The following ABCC8 variants were observed in gnomAD, a reference collection of about 807,000 sequenced individuals.
ABCC8 encodes ATP binding cassette subfamily C member 8, also known as ATP-binding cassette sub-family C member 8.
In ABCC8, 137 loss-of-function variants were observed where a neutral mutation model predicts 188.0. That is an observed-to-expected ratio of 0.73 (90% CI 0.63 to 0.84). The LOEUF (loss-of-function observed/expected upper bound fraction) is 0.84, where lower values mean the gene tolerates loss of function less well. ABCC8 is among the 40% of genes least tolerant of loss of function. The probability of loss-of-function intolerance (pLI) is 0.00; values close to 1 mark genes in which losing one functional copy is unlikely to be tolerated. For synonymous variants in ABCC8, 797 were observed against 846.5 expected (o/e 0.94, Z 1.01); for missense variants, 1,750 against 2,072.7 (o/e 0.84, Z 3.02).
At chr11:17,424,262 G>A (rs1265185719) in intron 16 of ABCC8, among the ~76,000 whole-genome samples, 1 of 152,096 alleles carries the variant, frequency 6.6e-6, no homozygotes, top group Non-Finnish European at 1.5e-5. Flanking sequence ...AAGCACCATG[G>A]CACATGTATA....
intron 6 of ABCC8, among the ~76,000 whole-genome samples, chr11:17,456,178 G>A (rs1443735610): frequency 6.6e-6 from 1 of 152,184 alleles, no homozygotes; most frequent in Non-Finnish European, 1.5e-5. Flanking sequence ...CCCTAGTCTT[G>A]CATTTTCACA....
At position 17,450,540 on chromosome 11, in the gene ABCC8, A is replaced by G. The variant is rs532586923; in HGVS notation, c.1177-1869T>C. On this transcript the variant is annotated intron_variant, in intron 7 of 38. Coordinates refer to ENST00000389817, the MANE Select transcript of ABCC8 (RefSeq NM_000352.6). ...CTCCCGAGTAGCTGGGACTACAGGC[A>G]CCCGCCACCATGCCTGGCTAATTTT... Among the ~76,000 whole-genome samples the G allele has an allele frequency of 3.5e-3, 491 of 138,660 alleles. 1 individual carries two copies. The highest frequency in any genetic ancestry group is 0.012 in the African/African-American group (459 of 36,786). The allele number at this position is 138,660 out of a possible 152,430, so 91.0% of individuals were successfully genotyped here.
At chr11:17,401,657 T>C (rs1954250522) in intron 29 of ABCC8, among the ~76,000 whole-genome samples, 1 of 152,160 alleles carries the variant, frequency 6.6e-6, no homozygotes. Flanking sequence ...TATCACTCTC[T>C]GGATGAAGAT....
In ABCC8 at chr11:17,474,928, A is replaced by G; in HGVS notation, c.248T>C (p.Phe83Ser). 1.2e-6 allele frequency: 2 copies of G among 1,614,254 alleles called. No individual in the cohort carries two copies. Among genetic ancestry groups the G allele is most frequent in the South Asian group, 2.2e-5 (2 of 91,080 alleles). The change falls in exon 2 of 39, where the codon TTC becomes TCC. Residue 83 changes from phenylalanine (F) to serine (S), a missense_variant. Coordinates refer to ENST00000389817, the MANE Select transcript of ABCC8 (RefSeq NM_000352.6). The part of the protein sequence containing the change: ...LRWILTFMLL[F>S]VLVCEIAEGI... ...CTCTGCAATCTCACACACCAGGACG[A>G]AGAGCAGCATGAAGGTCAGGATCCA...
chr11:17,440,043 T>C (rs1009974052), intron 10 of ABCC8, among the ~76,000 whole-genome samples: 1 of 152,084 alleles, frequency 6.6e-6, no homozygotes, highest in African/African-American at 2.4e-5. Context: ...AGGAGATGAG[T>C]ACATATCTCT....
rs746249607 is a variant in ABCC8, at chr11:17,395,856, G to A, written c.4194C>T (p.Phe1398=). ...GGTGCCCGCCTTACAACTCACCTTC[G>A]AACGTGTCCACCATGCGGAAGAAGG... is the stretch of plus-strand genomic sequence containing the variant. ...SLAFFRMVDT[F]EGHIIIDGID... Residue 1398 remains phenylalanine, a synonymous_variant, in exon 34 of 39, where the codon TTC becomes TTT. Coordinates refer to ENST00000389817, the MANE Select transcript of ABCC8 (RefSeq NM_000352.6). The A allele has an allele frequency of 1.3e-5, 21 of 1,580,256 alleles. No individual in the cohort carries two copies. In the East Asian group the frequency reaches 3.0e-4, roughly 22 times the overall value.
intron 19 of ABCC8, 93 bp downstream of exon 19, chr11:17,414,419 G>C: frequency 6.5e-7 from 1 of 1,526,738 alleles, no homozygotes; most frequent in Non-Finnish European, 9.1e-7. Context: ...ATGGCTGGGT[G>C]TGGGTGATCG....
intron 29 of ABCC8, among the ~76,000 whole-genome samples, chr11:17,400,167 G>T (rs4148640): frequency 0.41 from 61,828 of 151,998 alleles, 16,270 homozygotes; most frequent in African/African-American, 0.74. Flanking sequence ...TGGAGAGAGG[G>T]CATGTGTCTG....
intron 36 of ABCC8, 78 bp downstream of exon 36, chr11:17,395,094 G>T: frequency 1.3e-6 from 2 of 1,531,858 alleles, no homozygotes; most frequent in South Asian, 1.2e-5. Flanking sequence ...GCAAACCTGA[G>T]ACACGGGCTT....
chr11:17,476,236 A>T (rs1208685559), intron 1 of ABCC8, among the ~76,000 whole-genome samples: 2 of 152,206 alleles, frequency 1.3e-5, no homozygotes, highest in African/African-American at 4.8e-5. Flanking sequence ...GCTGACAGGG[A>T]GGCTGCCTTG....
In ABCC8 at chr11:17,404,979, G is replaced by A. The variant is rs1237243540; in HGVS notation, c.3400-310C>T. Among the ~76,000 whole-genome samples, 1 of 152,076 alleles carries A rather than the reference G, an allele frequency of 6.6e-6. No homozygotes were observed. The highest frequency in any genetic ancestry group is 1.5e-5 in the Non-Finnish European group (1 of 68,020). ...GTTTCATCATGTTGGCCATCAGGCTGGTCTTGAACACCTGGCCTCAAGTGA... is the reference window on the plus strand; with the variant it reads ...GTTTCATCATGTTGGCCATCAGGCTAGTCTTGAACACCTGGCCTCAAGTGA... On this transcript the variant is annotated intron_variant, in intron 27 of 38. Coordinates refer to ENST00000389817, the MANE Select transcript of ABCC8 (RefSeq NM_000352.6). This position sits in a 1 kb window ranked among gnomAD's most constrained non-coding sequence, Gnocchi z 4.7.
intron 3 of ABCC8, chr11:17,465,606 A>C (rs1226685811): frequency 6.6e-6 from 1 of 152,184 alleles, no homozygotes; most frequent in Non-Finnish European, 1.5e-5. Flanking sequence ...AAAGGAAGGA[A>C]AGAGGCATAA....
In ABCC8 at chr11:17,460,605, G is replaced by T. The variant is rs375094504; in HGVS notation, c.894C>A (p.Arg298=). The change falls in exon 6 of 39, where the codon CGC becomes CGA. Residue 298 remains arginine (R), a synonymous_variant. Transcript: ENST00000389817. Reference sequence around the variant, plus strand: ...TGCGGAAAGTGCTGCTGAGGACCAGGCGCCTCCCGAAGGCATGGCTGAGTG... The same window carrying T: ...TGCGGAAAGTGCTGCTGAGGACCAGTCGCCTCCCGAAGGCATGGCTGAGTG... The part of the protein sequence containing the change: ...WQALSHAFGR[R]LVLSSTFRIL... 2.5e-6 allele frequency: 4 copies of T among 1,613,144 alleles called. No homozygotes were observed. The African/African-American group carries it at 4.0e-5, about 16-fold the overall frequency.
At position 17,427,686 on chromosome 11, in the gene ABCC8, A is replaced by T. The variant is rs1176500217; in HGVS notation, c.2116+181T>A. On this transcript the variant is annotated intron_variant, in intron 15 of 38. Transcript: ENST00000389817. The surrounding 1 kb of genome is among the most constrained non-coding windows in gnomAD (Gnocchi z 5.0). The stretch of plus-strand genomic sequence containing the variant: ...AATTTTACCCTGTCCTTAGTGCTTC[A>T]CTCCCACCCAGCACACGGAAGCCTC... Among the ~76,000 whole-genome samples the T allele has an allele frequency of 6.6e-6, 1 of 151,982 alleles. No individual in the cohort carries two copies. Among genetic ancestry groups the T allele is most frequent in the Non-Finnish European group, 1.5e-5 (1 of 67,976 alleles).
intron 2 of ABCC8, among the ~76,000 whole-genome samples, chr11:17,473,448 G>C (rs574390766): frequency 7.9e-4 from 121 of 152,264 alleles, no homozygotes; most frequent in Non-Finnish European, 1.5e-3. Context: ...GGTGGGGAAC[G>C]GGAGGGAGGA....
At chr11:17,407,212 G>A (rs1954585910) in intron 24 of ABCC8, 83 bp from the exon 25 acceptor site, 3 of 1,605,044 alleles carry the variant, frequency 1.9e-6, no homozygotes, top group Admixed American at 3.4e-5. Context: ...CCCACTTACT[G>A]AGGGGACAAC....
At chr11:17,425,186 C>A (rs545422694) in intron 16 of ABCC8, among the ~76,000 whole-genome samples, 1 of 152,120 alleles carries the variant, frequency 6.6e-6, no homozygotes, top group Non-Finnish European at 1.5e-5. Context: ...AATAAAATGG[C>A]GAATGGAGGC....
chr11:17,421,777 T>C (rs1475393731), intron 16 of ABCC8, among the ~76,000 whole-genome samples: 1 of 152,228 alleles, frequency 6.6e-6, no homozygotes, highest in Non-Finnish European at 1.5e-5. Flanking sequence ...CTGCAGAGCC[T>C]GTGTGTGCAG....
chr11:17,470,033 A>C, intron 3 of ABCC8, 68 bp downstream of exon 3: 1 of 1,562,096 alleles, frequency 6.4e-7, no homozygotes, highest in East Asian at 2.2e-5. Context: ...GCACATAATG[A>C]GTCCTCAGTA....
Sources: gnomAD v4.1 joint callset for allele counts (sites outside exome capture counted in the v4.1 genomes callset) on GRCh38, gnomAD v4.1.1 for gene constraint, Gnocchi (gnomAD v3.1) non-coding constraint, MANE v1.5 for transcripts, NCBI Gene and HGNC (gene_info 2026-07-23, HGNC 2026-07-21) for gene names.